Variants in PSME4 observed in about 807,000 individuals in gnomAD.
PSME4 encodes the protein proteasome activator complex subunit 4.
A neutral mutation model predicts 253.9 loss-of-function variants in PSME4; 89 were observed. The observed-to-expected ratio is 0.35, with a 90% CI of 0.30 to 0.42. PSME4 has a LOEUF of 0.42. Among genes scored for constraint, PSME4 ranks in the 10% least tolerant of loss-of-function variants. The pLI is 1.00. For synonymous variants in PSME4, 851 were observed against 759.2 expected (o/e 1.12, Z -1.99); for missense variants, 2,014 against 2,195.2 (o/e 0.92, Z 1.65).
At chr2:53,881,728 T>C (rs1454348883) in intron 41 of PSME4, among the ~76,000 whole-genome samples, 1 of 151,916 alleles carries the variant, frequency 6.6e-6, no homozygotes, top group Admixed American at 6.6e-5. Context: ...GGGACTACAG[T>C]ATCTGCCACC....
rs561105108 is a variant in PSME4, at chr2:53,880,012, C to T, written c.4816-4257G>A. Among the ~76,000 whole-genome samples the T allele has an allele frequency of 2.6e-5, 4 of 152,178 alleles. 1 individual carries two copies. Among genetic ancestry groups the T allele is most frequent in the African/African-American group, 9.6e-5 (4 of 41,492 alleles). On this transcript the variant is annotated intron_variant, in intron 41 of 46. Transcript: ENST00000404125. Reference sequence around the variant, plus strand: ...TTGACAAGGAGATTCAAAACCCTGCCTTGGTGTGGAGGAAGAATATGGTGG... The same window carrying T: ...TTGACAAGGAGATTCAAAACCCTGCTTTGGTGTGGAGGAAGAATATGGTGG...
intron 40 of PSME4, among the ~76,000 whole-genome samples, chr2:53,886,679 T>C (rs915572354): frequency 6.6e-6 from 1 of 152,128 alleles, no homozygotes; most frequent in African/African-American, 2.4e-5. Context: ...TACTACATGG[T>C]CTAACAATTC....
At chr2:53,867,564 G>C (rs1377937835) in intron 44 of PSME4, among the ~76,000 whole-genome samples, 1 of 142,296 alleles carries the variant, frequency 7.0e-6, no homozygotes, top group Non-Finnish European at 1.5e-5. Context: ...AGCTAGACAA[G>C]AGGCTGAGGC....
Position 53,885,673 on chromosome 2 carries a change from T to C in PSME4, c.4815+17A>G, listed in dbSNP as rs1469449885. On this transcript the variant is annotated intron_variant, in intron 41 of 46. Coordinates refer to ENST00000404125, the MANE Select transcript of PSME4 (RefSeq NM_014614.3). Reference sequence around the variant, plus strand: ...AGGTCAAAAGGAGATGCATTCTTAATTTCAGCAAAACCTTACCTTGAAAAA... The same window carrying C: ...AGGTCAAAAGGAGATGCATTCTTAACTTCAGCAAAACCTTACCTTGAAAAA... 6.3e-7 allele frequency: 1 copy of C among 1,582,220 alleles called. No individual in the cohort carries two copies. Among genetic ancestry groups the C allele is most frequent in the East Asian group, 2.2e-5 (1 of 44,606 alleles).
intron 1 of PSME4, among the ~76,000 whole-genome samples, chr2:53,966,934 G>A (rs805345): frequency 0.54 from 82,335 of 151,886 alleles, 22,602 homozygotes; most frequent in East Asian, 0.71. Context: ...TCCTGACCTC[G>A]TGATCCGTCT....
chr2:53,937,855 T>C (rs1228588863), intron 4 of PSME4, among the ~76,000 whole-genome samples: 2 of 152,088 alleles, frequency 1.3e-5, no homozygotes, highest in African/African-American at 2.4e-5. Context: ...CCAGACATGA[T>C]GGCGGCGCAC....
In PSME4 at chr2:53,932,655, C is replaced by G. The variant is rs746017978; in HGVS notation, c.1050+13G>C. On this transcript the variant is annotated intron_variant, in intron 9 of 46. Transcript: ENST00000404125. ...AAATTCCAAGCCCTATAATGCAAAA[C>G]GAAGTTACTCACCAGCCAGCGCCCA... The G allele has an allele frequency of 6.3e-7, 1 of 1,594,406 alleles. No homozygotes were observed. The highest frequency in any genetic ancestry group is 2.2e-5 in the East Asian group (1 of 44,786).
intron 10 of PSME4, among the ~76,000 whole-genome samples, chr2:53,929,293 C>A (rs1434498378): frequency 6.6e-6 from 1 of 152,152 alleles, no homozygotes; most frequent in East Asian, 1.9e-4. Flanking sequence ...TTTCTTTCCC[C>A]TGACCACCCC....
chr2:53,878,278 A>G (rs1480658572), intron 41 of PSME4, among the ~76,000 whole-genome samples: 7 of 152,214 alleles, frequency 4.6e-5, no homozygotes, highest in Non-Finnish European at 8.8e-5. Context: ...CACTTCCCCA[A>G]TCAATACTCT....
chr2:53,912,118 G>C (rs755399039), intron 20 of PSME4, among the ~76,000 whole-genome samples: 6 of 152,126 alleles, frequency 3.9e-5, no homozygotes, highest in Non-Finnish European at 8.8e-5. Flanking sequence ...ACACAGAGGT[G>C]ACCCTTGAAC....
intron 18 of PSME4, 119 bp downstream of exon 18, chr2:53,920,770 G>C (rs969064282): frequency 2.4e-6 from 2 of 846,436 alleles, no homozygotes; most frequent in Admixed American, 2.8e-5. Context: ...TCCAATAATA[G>C]TTTCAATAAT....
chr2:53,889,893 CAA>C (rs1679824598), intron 37 of PSME4, among the ~76,000 whole-genome samples: 1 of 152,010 alleles, frequency 6.6e-6, no homozygotes, highest in African/African-American at 2.4e-5. Flanking sequence ...CATAAGATGA[CAA>C]AAGTATGAAC....
chr2:53,964,859 A>T (rs1279485512), intron 1 of PSME4, among the ~76,000 whole-genome samples: 2 of 152,228 alleles, frequency 1.3e-5, no homozygotes, highest in African/African-American at 4.8e-5. Flanking sequence ...TTCAACTGGG[A>T]TAATCAATCC....
intron 20 of PSME4, among the ~76,000 whole-genome samples, chr2:53,916,362 T>A (rs752500408): frequency 6.6e-6 from 1 of 151,850 alleles, no homozygotes; most frequent in Non-Finnish European, 1.5e-5. Context: ...TTATTAACAA[T>A]AGATATTTTC....
At chr2:53,872,741 CAAAAAA>C (rs61308177) in intron 43 of PSME4, among the ~76,000 whole-genome samples, 10 of 48,008 alleles carry the variant, frequency 2.1e-4, no homozygotes, top group Admixed American at 5.7e-4. Flanking sequence ...GACTTGGTCT[CAAAAAA>C]AAAAAAAAAA....
Position 53,897,336 on chromosome 2 carries a change from A to G in PSME4, c.3607-451T>C, listed in dbSNP as rs142859137. Among the ~76,000 whole-genome samples the G allele has an allele frequency of 1.0e-3, 154 of 152,088 alleles. 1 individual carries two copies. The East Asian group carries it at 0.018, about 18-fold the overall frequency. On this transcript the variant is annotated intron_variant, in intron 31 of 46. Coordinates refer to ENST00000404125, the MANE Select transcript of PSME4 (RefSeq NM_014614.3). ...AGGCGTGTGCCACCATGCCCAGCTA[A>G]TTTTGTACTTCTAGTAGAGACAGGG...
chr2:53,941,651 T>C (rs1340372862), intron 3 of PSME4, among the ~76,000 whole-genome samples: 2 of 152,142 alleles, frequency 1.3e-5, no homozygotes, highest in Non-Finnish European at 2.9e-5. Flanking sequence ...TAACAAAGTA[T>C]AGAATTAACA....
At chr2:53,962,360 C>G (rs1262290802) in intron 1 of PSME4, among the ~76,000 whole-genome samples, 1 of 132,226 alleles carries the variant, frequency 7.6e-6, no homozygotes, top group Non-Finnish European at 1.5e-5. Context: ...AAAAACAGTT[C>G]TTAGAAGTTA....
chr2:53,885,839 C>T, intron 40 of PSME4, 64 bp from the exon 41 acceptor site: 1 of 1,182,984 alleles, frequency 8.5e-7, no homozygotes, highest in Non-Finnish European at 1.2e-6. Context: ...CAAAGTAGAA[C>T]AATATTGTAA....
Sources: allele counts gnomAD v4.1 joint callset (sites outside exome capture counted in the v4.1 genomes callset), GRCh38; gene constraint gnomAD v4.1.1; transcripts MANE v1.5; gene names NCBI Gene and HGNC (gene_info 2026-07-23, HGNC 2026-07-21).